The following RGS7 variants were observed in gnomAD, a reference collection of about 807,000 sequenced individuals.
RGS7 encodes the protein regulator of G-protein signaling 7.
Under a neutral mutation model 81.1 loss-of-function variants are expected in RGS7, and 27 were observed. That is an observed-to-expected ratio of 0.33 (90% CI 0.25 to 0.46). The LOEUF (loss-of-function observed/expected upper bound fraction) is 0.46. RGS7 is among the 20% of genes least tolerant of loss of function. RGS7 has a pLI of 1.00. For synonymous variants in RGS7, 208 were observed against 207.7 expected (o/e 1.00, Z -0.01); for missense variants, 396 against 607.4 (o/e 0.65, Z 3.66).
At chr1:241,065,199 T>C (rs1219861528) in intron 3 of RGS7, among the ~76,000 whole-genome samples, 2 of 94,302 alleles carry the variant, frequency 2.1e-5, no homozygotes, top group South Asian at 4.8e-4. Flanking sequence ...TTAAAAGATA[T>C]ATCATAGAGA....
intron 3 of RGS7, among the ~76,000 whole-genome samples, chr1:241,044,480 T>A (rs2060803173): frequency 6.6e-6 from 1 of 152,192 alleles, no homozygotes; most frequent in South Asian, 2.1e-4. Context: ...TGGAGTGCAG[T>A]GGCACAATCA....
At chr1:240,866,459 T>C (rs439444) in intron 9 of RGS7, among the ~76,000 whole-genome samples, 46,964 of 149,404 alleles carry the variant, frequency 0.31, 8,437 homozygotes, top group African/African-American at 0.5. Flanking sequence ...TGCAGTGAGC[T>C]GAGATTGAGC....
chr1:241,237,987 C>T (rs1416373704), intron 2 of RGS7, among the ~76,000 whole-genome samples: 1 of 152,152 alleles, frequency 6.6e-6, no homozygotes, highest in East Asian at 1.9e-4. Flanking sequence ...AAACTCCATC[C>T]GCCAAGACCG....
intron 9 of RGS7, among the ~76,000 whole-genome samples, chr1:240,833,054 CTA>C (rs1694113276): frequency 6.6e-6 from 1 of 152,000 alleles, no homozygotes; most frequent in South Asian, 2.1e-4. Context: ...ACAACAATAA[CTA>C]ATAATAAAAT....
intron 3 of RGS7, among the ~76,000 whole-genome samples, chr1:241,050,691 T>TTCC (rs900992928): frequency 7.9e-5 from 12 of 152,050 alleles, no homozygotes; most frequent in African/African-American, 2.9e-4. Flanking sequence ...CCTCTTTCTC[T>TTCC]TCCTCCTCCT....
intron 6 of RGS7, among the ~76,000 whole-genome samples, chr1:240,871,064 T>G (rs980742520): frequency 6.6e-6 from 1 of 152,148 alleles, no homozygotes; most frequent in Non-Finnish European, 1.5e-5. Context: ...GCAAATTTCT[T>G]CAATTATTTC....
At chr1:241,023,601 A>G (rs1011637451) in intron 3 of RGS7, among the ~76,000 whole-genome samples, 9 of 152,218 alleles carry the variant, frequency 5.9e-5, no homozygotes, top group African/African-American at 1.7e-4. Context: ...GAAACTCTAA[A>G]AACTCTACCA....
At chr1:241,197,973 C>T (rs1359120170) in intron 2 of RGS7, among the ~76,000 whole-genome samples, 2 of 151,816 alleles carry the variant, frequency 1.3e-5, no homozygotes, top group Non-Finnish European at 2.9e-5. Flanking sequence ...GTCTACCTAC[C>T]TACCTACCTA....
At chr1:240,961,745 G>C (rs529695301) in intron 4 of RGS7, among the ~76,000 whole-genome samples, 11 of 152,262 alleles carry the variant, frequency 7.2e-5, no homozygotes, top group Admixed American at 4.6e-4. Context: ...CAGTTTCAAG[G>C]ACATTAAGAG....
Position 241,226,247 on chromosome 1 carries a change from C to T in RGS7, c.79-127485G>A, listed in dbSNP as rs184610327. 2.8e-4 allele frequency among the ~76,000 whole-genome samples: 43 copies of T among 152,166 alleles called. 1 individual carries two copies. Among genetic ancestry groups the T allele is most frequent in the Admixed American group, 2.3e-3 (35 of 15,274 alleles). Reference sequence around the variant, plus strand: ...AGGTGAAAAACACAAATAAAATGTCCGCGGGAATATTAAATGCTTTTCCAA... The same window carrying T: ...AGGTGAAAAACACAAATAAAATGTCTGCGGGAATATTAAATGCTTTTCCAA... On this transcript the variant is annotated intron_variant, in intron 2 of 18. Transcript: ENST00000440928.
chr1:240,928,478 A>G (rs972647356), intron 6 of RGS7, among the ~76,000 whole-genome samples: 4 of 152,200 alleles, frequency 2.6e-5, no homozygotes, highest in African/African-American at 9.7e-5. Flanking sequence ...CACCACTGAA[A>G]CATCAACCTA....
At chr1:241,042,979 G>T (rs1007378073) in intron 3 of RGS7, among the ~76,000 whole-genome samples, 11 of 150,214 alleles carry the variant, frequency 7.3e-5, no homozygotes, top group Non-Finnish European at 1.5e-4. Flanking sequence ...AAAGGATTAT[G>T]TCCCTTTATC....
chr1:241,016,446 A>T (rs1177047226), intron 3 of RGS7, among the ~76,000 whole-genome samples: 1 of 152,088 alleles, frequency 6.6e-6, no homozygotes, highest in Non-Finnish European at 1.5e-5. Flanking sequence ...TGAACCCAGG[A>T]GGCGGAGGTT....
At chr1:240,777,270 G>A (rs996547597) in intron 18 of RGS7, among the ~76,000 whole-genome samples, 18 of 150,786 alleles carry the variant, frequency 1.2e-4, no homozygotes, top group Admixed American at 3.9e-4. Context: ...TGACAAGAGC[G>A]AGACTCTGTC....
chr1:241,049,735 G>A (rs1252721961), intron 3 of RGS7, among the ~76,000 whole-genome samples: 1 of 152,132 alleles, frequency 6.6e-6, no homozygotes, highest in Non-Finnish European at 1.5e-5. Flanking sequence ...TGGCATAATG[G>A]ACTTCTACAG....
chr1:241,023,480 C>G (rs537877909), intron 3 of RGS7, among the ~76,000 whole-genome samples: 4 of 152,174 alleles, frequency 2.6e-5, no homozygotes, highest in African/African-American at 9.7e-5. Flanking sequence ...TTAAATTGTC[C>G]TAGTTGTAAA....
chr1:241,202,011 G>GAAGAACACACACACACAC (rs138116326), intron 2 of RGS7, among the ~76,000 whole-genome samples: 8,319 of 144,966 alleles, frequency 0.057, 328 homozygotes, highest in Middle Eastern at 0.086. Flanking sequence ...GACACACACA[G>GAAGAACACACACACACAC]ACACACACAC....
intron 10 of RGS7, chr1:240,823,375 G>C (rs1168025452): frequency 2.2e-6 from 1 of 464,012 alleles, no homozygotes; most frequent in African/African-American, 2.0e-5. Context: ...CAGCGGCCTG[G>C]AGCCACGGCC....
intron 9 of RGS7, among the ~76,000 whole-genome samples, chr1:240,859,284 G>A (rs1316384848): frequency 6.6e-6 from 1 of 152,028 alleles, no homozygotes; most frequent in African/African-American, 2.4e-5. Context: ...ACAGGCATGA[G>A]CCATCACTCC....
Sources: gnomAD v4.1 joint callset for allele counts (sites outside exome capture counted in the v4.1 genomes callset) on GRCh38, gnomAD v4.1.1 for gene constraint, MANE v1.5 for transcripts, NCBI Gene and HGNC (gene_info 2026-07-23, HGNC 2026-07-21) for gene names.